LPAR1: variants seen among roughly 807,000 people sequenced by gnomAD.
LPAR1 encodes the protein lysophosphatidic acid receptor 1.
A neutral mutation model predicts 23.8 loss-of-function variants in LPAR1; 5 were observed. The ratio of observed to expected loss-of-function variants is 0.21; its 90% CI spans 0.11 to 0.44. The LOEUF (loss-of-function observed/expected upper bound fraction) is 0.44, where lower values mean the gene tolerates loss of function less well. Ranked by LOEUF, LPAR1 falls within the 20% of genes least tolerant of loss-of-function variation. The pLI, the probability that LPAR1 is intolerant of heterozygous loss-of-function variation, is 0.99. For missense variants in LPAR1, 311 were observed against 482.8 expected, an observed-to-expected ratio of 0.64 and a Z score of 3.33; for synonymous variants, 160 against 164.7, an observed-to-expected ratio of 0.97 and a Z score of 0.22.
At chr9:110,881,419 T>C (rs1019637968) in intron 5 of LPAR1, among the ~76,000 whole-genome samples, 10 of 152,176 alleles carry the variant, frequency 6.6e-5, no homozygotes, top group African/African-American at 2.4e-4. Flanking sequence ...CAGTTTTAGC[T>C]TCATTAGACT....
chr9:111,033,799 C>G (rs535656606), intron 2 of LPAR1, among the ~76,000 whole-genome samples: 1 of 152,122 alleles, frequency 6.6e-6, no homozygotes, highest in South Asian at 2.1e-4. Flanking sequence ...GTGATCCACC[C>G]GCCTCAGCCT....
At chr9:110,912,070 G>A (rs887340596) in intron 5 of LPAR1, among the ~76,000 whole-genome samples, 1 of 152,140 alleles carries the variant, frequency 6.6e-6, no homozygotes, top group Non-Finnish European at 1.5e-5. Flanking sequence ...TAAACGTCTG[G>A]GTTACTGAGG....
At chr9:111,034,080 G>A (rs2097850178) in intron 2 of LPAR1, among the ~76,000 whole-genome samples, 1 of 152,140 alleles carries the variant, frequency 6.6e-6, no homozygotes, top group Admixed American at 6.5e-5. Context: ...TTAGCTCTAG[G>A]GATTTAAAAT....
At chr9:111,028,618 CT>C (rs57371925) in intron 2 of LPAR1, among the ~76,000 whole-genome samples, 139 of 145,966 alleles carry the variant, frequency 9.5e-4, no homozygotes, top group South Asian at 5.6e-3. Flanking sequence ...TAGAAAAAGA[CT>C]TTTTTTTTTT....
At chr9:110,990,642 A>C (rs973282840) in intron 2 of LPAR1, among the ~76,000 whole-genome samples, 1 of 152,158 alleles carries the variant, frequency 6.6e-6, no homozygotes, top group Non-Finnish European at 1.5e-5. Context: ...CCTATAATAG[A>C]AAAGAAGAAA....
intron 5 of LPAR1, among the ~76,000 whole-genome samples, chr9:110,930,229 C>T (rs2094317504): frequency 6.6e-6 from 1 of 152,080 alleles, no homozygotes; most frequent in Non-Finnish European, 1.5e-5. Context: ...GAAATGAATC[C>T]CTTTCCACCG....
chr9:110,878,715 T>A (rs1326799520), intron 5 of LPAR1, among the ~76,000 whole-genome samples: 1 of 152,154 alleles, frequency 6.6e-6, no homozygotes, highest in Non-Finnish European at 1.5e-5. Flanking sequence ...AAGCCCTCTA[T>A]AAACTGTGCA....
intron 5 of LPAR1, among the ~76,000 whole-genome samples, chr9:110,912,201 T>C (rs1380895678): frequency 6.6e-6 from 1 of 152,210 alleles, no homozygotes; most frequent in Non-Finnish European, 1.5e-5. Flanking sequence ...AAGCACATCC[T>C]ACTTTTGACC....
rs983694403 is a variant in LPAR1, at chr9:110,906,125, G to A, written c.794-30403C>T. 6.6e-5 allele frequency among the ~76,000 whole-genome samples: 10 copies of A among 152,038 alleles called. No homozygotes were observed. The East Asian group carries it at 1.2e-3, about 18-fold the overall frequency. ...AGTAAAGGTTATGGCACAAAAATAC[G>A]TCAAGTTCTATGGACAAGATAGATG... On this transcript the variant is annotated intron_variant, in intron 5 of 5. Transcript: ENST00000683809.
At chr9:111,024,571 CACACACACTT>C (rs2097649587) in intron 2 of LPAR1, among the ~76,000 whole-genome samples, 1 of 109,744 alleles carries the variant, frequency 9.1e-6, no homozygotes, top group Non-Finnish European at 1.9e-5. Context: ...CATATATATA[CACACACACTT>C]TAAGTTCTGG....
intron 5 of LPAR1, among the ~76,000 whole-genome samples, chr9:110,928,918 CTT>C (rs1206035351): frequency 6.6e-6 from 1 of 152,180 alleles, no homozygotes; most frequent in Non-Finnish European, 1.5e-5. Context: ...AGGAAAATAA[CTT>C]GAGTGAATGA....
intron 4 of LPAR1, among the ~76,000 whole-genome samples, chr9:110,944,925 A>T (rs904669158): frequency 1.9e-4 from 29 of 152,210 alleles, no homozygotes; most frequent in African/African-American, 7.0e-4. Context: ...TCCTATACTA[A>T]GAGGATTCTG....
At chr9:111,008,084 G>A (rs1450921937) in intron 2 of LPAR1, among the ~76,000 whole-genome samples, 2 of 151,796 alleles carry the variant, frequency 1.3e-5, no homozygotes, top group African/African-American at 4.8e-5. Context: ...TAAGACAGGA[G>A]AATCACTTGA....
chr9:110,918,981 T>G (rs2093416245), intron 5 of LPAR1, among the ~76,000 whole-genome samples: 1 of 152,118 alleles, frequency 6.6e-6, no homozygotes, highest in African/African-American at 2.4e-5. Context: ...TAGTCCCCCT[T>G]CCCCTGGTGT....
chr9:110,957,347 A>C (rs202216737), intron 4 of LPAR1, among the ~76,000 whole-genome samples: 1 of 136,922 alleles, frequency 7.3e-6, no homozygotes, highest in Admixed American at 7.9e-5. Flanking sequence ...CTCAAAAAAA[A>C]AAAAATAATA....
intron 5 of LPAR1, among the ~76,000 whole-genome samples, chr9:110,899,469 A>C (rs2087818295): frequency 6.6e-6 from 1 of 152,196 alleles, no homozygotes; most frequent in African/African-American, 2.4e-5. Context: ...TGGCTTGAGG[A>C]GACTAGAAAC....
At chr9:110,894,751 C>G (rs147463492) in intron 5 of LPAR1, among the ~76,000 whole-genome samples, 75 of 152,218 alleles carry the variant, frequency 4.9e-4, no homozygotes, top group African/African-American at 1.7e-3. Flanking sequence ...TGCAGTGGCT[C>G]ACACCTATAA....
intron 4 of LPAR1, among the ~76,000 whole-genome samples, chr9:110,966,602 AAATATTTTAGAATAAAAT>A (rs1366648760): frequency 6.6e-6 from 1 of 151,418 alleles, no homozygotes; most frequent in East Asian, 1.9e-4. Flanking sequence ...ACTTAAAGTA[AAATATTTTAGAATAAAAT>A]AATTTAAATT....
chr9:110,997,408 GTATTAAC>G (rs1438949961), intron 2 of LPAR1, among the ~76,000 whole-genome samples: 2 of 152,114 alleles, frequency 1.3e-5, no homozygotes, highest in Non-Finnish European at 2.9e-5. Context: ...GAAGAGTTGC[GTATTAAC>G]TATTGAGAGA....
Sources: gnomAD v4.1 joint callset for allele counts (sites outside exome capture counted in the v4.1 genomes callset) on GRCh38, gnomAD v4.1.1 for gene constraint, MANE v1.5 for transcripts, NCBI Gene and HGNC (gene_info 2026-07-23, HGNC 2026-07-21) for gene names.